Variants in ENPEP observed in about 807,000 individuals in gnomAD.
ENPEP encodes the protein AP-A.
A neutral mutation model predicts 114.5 loss-of-function variants in ENPEP; 103 were observed. That is an observed-to-expected ratio of 0.90 (90% CI 0.77 to 1.06). The LOEUF (loss-of-function observed/expected upper bound fraction) is 1.06. Among genes scored for constraint, ENPEP ranks in the 50% least tolerant of loss-of-function variants. ENPEP has a pLI of 0.00. For missense variants in ENPEP, 1,196 were observed against 1,161.3 expected, an observed-to-expected ratio of 1.03 and a Z score of -0.43; for synonymous variants, 420 against 422.0, an observed-to-expected ratio of 1.00 and a Z score of 0.06.
At chr4:110,485,102 G>A (rs1724455836) in intron 1 of ENPEP, among the ~76,000 whole-genome samples, 1 of 152,188 alleles carries the variant, frequency 6.6e-6, no homozygotes, top group Admixed American at 6.5e-5. Context: ...TGGGGTTGGA[G>A]CTTGGTGGAT....
Position 110,561,550 on chromosome 4 carries a change from A to G in ENPEP, c.2866A>G (p.Ser956Gly). ...IREWFFNLLE[S>G]G ...AGAATGGTTTTTTAATTTACTTGAG[A>G]GTGGTTAATGTATTCAAATGTTAGA... The change falls in exon 20 of 20, where the codon AGT becomes GGT. Residue 956 changes from serine (S) to glycine (G), a missense_variant. Transcript: ENST00000265162. 2.5e-6 allele frequency: 4 copies of G among 1,613,046 alleles called. No homozygotes were observed. The highest frequency in any genetic ancestry group is 3.4e-6 in the Non-Finnish European group (4 of 1,179,652).
chr4:110,526,698 T>C (rs72666200), intron 10 of ENPEP, among the ~76,000 whole-genome samples: 18,621 of 152,188 alleles, frequency 0.12, 1,186 homozygotes, highest in Middle Eastern at 0.29. Context: ...CTCCTCTTGC[T>C]GCACTGTGGA....
chr4:110,543,200 T>A, intron 13 of ENPEP, 130 bp downstream of exon 13: 2 of 881,092 alleles, frequency 2.3e-6, no homozygotes, highest in Non-Finnish European at 3.6e-6. Context: ...ATTTAAAACA[T>A]TATTGTTTTC....
intron 10 of ENPEP, among the ~76,000 whole-genome samples, chr4:110,527,441 TCAGGGAGTGTCTGTATACTCCCTGAACTC>T (rs2110370341): frequency 6.6e-6 from 1 of 152,256 alleles, no homozygotes; most frequent in East Asian, 1.9e-4. Flanking sequence ...TGAGGTCCCT[TCAGGGAGTGTCTGTATACTCCCTGAACTC>T]TGCAGGTAAG....
At chr4:110,512,254 G>A (rs1292460866) in intron 6 of ENPEP, among the ~76,000 whole-genome samples, 1 of 152,124 alleles carries the variant, frequency 6.6e-6, no homozygotes, top group Non-Finnish European at 1.5e-5. Flanking sequence ...GTGAAAAATC[G>A]GAAGGCCAGG....
At position 110,509,745 on chromosome 4, in the gene ENPEP, G is replaced by C. The variant is rs769060274; in HGVS notation, c.1132G>C (p.Glu378Gln). ...AACGAACCTGCTTTATGACCCTAAG[G>C]AATCAGCCTCATCAAACCAACAGAG... Reference protein sequence around the residue: ...RETNLLYDPKESASSNQQRVA... With the variant: ...RETNLLYDPKQSASSNQQRVA... Residue 378 changes from glutamate (E) to glutamine (Q), a missense_variant, in exon 5 of 20, where the codon GAA (glutamate) becomes CAA (glutamine). Coordinates refer to ENST00000265162, the MANE Select transcript of ENPEP (RefSeq NM_001977.4). 1 of 1,614,060 alleles carries C rather than the reference G, an allele frequency of 6.2e-7. No homozygotes were observed. Among genetic ancestry groups the C allele is most frequent in the Non-Finnish European group, 8.5e-7 (1 of 1,180,032 alleles).
intron 1 of ENPEP, among the ~76,000 whole-genome samples, chr4:110,483,613 G>T (rs1304483177): frequency 6.6e-6 from 1 of 152,106 alleles, no homozygotes; most frequent in African/African-American, 2.4e-5. Context: ...CGACTAAATT[G>T]CATAGACTAT....
intron 3 of ENPEP, among the ~76,000 whole-genome samples, chr4:110,494,042 A>G (rs1041268957): frequency 6.6e-6 from 1 of 152,250 alleles, no homozygotes; most frequent in Admixed American, 6.5e-5. Context: ...ATGCACACAC[A>G]CAACCTTTAA....
intron 11 of ENPEP, among the ~76,000 whole-genome samples, chr4:110,534,335 T>C (rs1250438565): frequency 6.6e-6 from 1 of 152,162 alleles, no homozygotes; most frequent in Non-Finnish European, 1.5e-5. Context: ...AAACATTTTC[T>C]GGCTACTCCA....
At chr4:110,496,222 T>G (rs1337634272) in intron 3 of ENPEP, among the ~76,000 whole-genome samples, 1 of 152,186 alleles carries the variant, frequency 6.6e-6, no homozygotes. Flanking sequence ...ATGCCATGGA[T>G]TTTTAAAAAC....
intron 3 of ENPEP, among the ~76,000 whole-genome samples, chr4:110,497,300 GT>G (rs543676298): frequency 6.6e-5 from 10 of 151,790 alleles, no homozygotes; most frequent in Non-Finnish European, 1.2e-4. Context: ...ATTTTAATTA[GT>G]TTTTTTTAAT....
At chr4:110,523,010 C>T (rs539176079) in intron 10 of ENPEP, among the ~76,000 whole-genome samples, 3 of 151,980 alleles carry the variant, frequency 2.0e-5, no homozygotes, top group South Asian at 2.1e-4. Flanking sequence ...AGGAAAACCA[C>T]GAAAGGAAAT....
At chr4:110,479,759 C>G (rs1403511751) in intron 1 of ENPEP, among the ~76,000 whole-genome samples, 3 of 151,954 alleles carry the variant, frequency 2.0e-5, no homozygotes, top group Non-Finnish European at 2.9e-5. Flanking sequence ...AATATTATTG[C>G]TAAAACTTTA....
intron 3 of ENPEP, among the ~76,000 whole-genome samples, chr4:110,502,766 A>G (rs1295282510): frequency 6.6e-6 from 1 of 152,162 alleles, no homozygotes; most frequent in African/African-American, 2.4e-5. Context: ...TTTTGGTGCC[A>G]TATAAATTTT....
intron 17 of ENPEP, among the ~76,000 whole-genome samples, chr4:110,552,965 T>C (rs923814160): frequency 2.0e-5 from 3 of 152,120 alleles, no homozygotes; most frequent in African/African-American, 7.2e-5. Context: ...AAGTACTCTA[T>C]TCAATAAATG....
chr4:110,506,467 T>C lies in ENPEP; in HGVS notation c.919-170T>C, dbSNP rs193020931. ...TAAAATTCCTCCAGAGTCTCAGAGA[T>C]GTGAAGTGATTTATGAGACAACACG... On this transcript the variant is annotated intron_variant, in intron 3 of 19. Transcript: ENST00000265162. Among the ~76,000 whole-genome samples the C allele has an allele frequency of 4.1e-4, 63 of 152,324 alleles. 1 individual carries two copies. Among genetic ancestry groups the C allele is most frequent in the African/African-American group, 1.1e-3 (47 of 41,582 alleles).
intron 10 of ENPEP, among the ~76,000 whole-genome samples, chr4:110,529,379 G>T (rs1358887288): frequency 1.3e-5 from 2 of 152,148 alleles, no homozygotes; most frequent in South Asian, 2.1e-4. Context: ...TTAGTTTGGT[G>T]TCCCTAGAAG....
intron 14 of ENPEP, 142 bp from the exon 15 acceptor site, chr4:110,549,204 A>G: frequency 1.5e-6 from 1 of 674,776 alleles, no homozygotes; most frequent in South Asian, 2.0e-5. Context: ...AAAATTAAAT[A>G]CATTGTTTTT....
chr4:110,546,835 C>G (rs1727087922), intron 13 of ENPEP, among the ~76,000 whole-genome samples: 1 of 151,978 alleles, frequency 6.6e-6, no homozygotes, highest in Non-Finnish European at 1.5e-5. Flanking sequence ...CTGTTTTAAG[C>G]CAGAAACCTG....
Sources: gnomAD v4.1 joint callset for allele counts (sites outside exome capture counted in the v4.1 genomes callset) on GRCh38, gnomAD v4.1.1 for gene constraint, MANE v1.5 for transcripts, NCBI Gene and HGNC (gene_info 2026-07-23, HGNC 2026-07-21) for gene names.